PCDH15: variants seen among roughly 807,000 people sequenced by gnomAD.
The protein encoded by PCDH15 is protocadherin related 15.
Under a neutral mutation model 178.5 loss-of-function variants are expected in PCDH15, and 129 were observed. The observed-to-expected ratio is 0.72, with a 90% CI of 0.63 to 0.84. The LOEUF is 0.84. Ranked by LOEUF, PCDH15 falls within the 40% of genes least tolerant of loss-of-function variation. The pLI is 0.00. For missense variants in PCDH15, 2,230 were observed against 2,099.9 expected (o/e 1.06, Z -1.21); for synonymous variants, 800 against 732.0 (o/e 1.09, Z -1.50).
intron 2 of PCDH15, among the ~76,000 whole-genome samples, chr10:55,610,071 C>G (rs1423049368): frequency 6.6e-6 from 1 of 151,950 alleles, no homozygotes; most frequent in African/African-American, 2.4e-5. Context: ...AATTATAAGA[C>G]CAAGCACAAC....
chr10:54,033,313 A>C (rs961953695), intron 18 of PCDH15, among the ~76,000 whole-genome samples: 1 of 151,858 alleles, frequency 6.6e-6, no homozygotes, highest in Non-Finnish European at 1.5e-5. Context: ...AACCCTTATA[A>C]ATTTGTACTT....
intron 2 of PCDH15, among the ~76,000 whole-genome samples, chr10:54,980,280 G>A (rs1839197515): frequency 6.6e-6 from 1 of 152,044 alleles, no homozygotes; most frequent in Admixed American, 6.6e-5. Context: ...CGTGCTCTAA[G>A]TATAACATTT....
At chr10:54,387,539 A>G (rs1950067629) in intron 3 of PCDH15, among the ~76,000 whole-genome samples, 1 of 152,180 alleles carries the variant, frequency 6.6e-6, no homozygotes, top group Non-Finnish European at 1.5e-5. Flanking sequence ...ATTTTTTAAT[A>G]AACATAGATG....
At chr10:54,893,201 C>CA (rs1408987242) in intron 3 of PCDH15, among the ~76,000 whole-genome samples, 1 of 150,980 alleles carries the variant, frequency 6.6e-6, no homozygotes, top group Non-Finnish European at 1.5e-5. Flanking sequence ...TTGAAATACA[C>CA]AAAAAAGGAA....
At chr10:54,107,785 A>G (rs1354632808) in intron 15 of PCDH15, among the ~76,000 whole-genome samples, 2 of 152,098 alleles carry the variant, frequency 1.3e-5, no homozygotes, top group Admixed American at 6.6e-5. Context: ...TCAGAAAGTA[A>G]ACGGTGTCAA....
At chr10:54,468,423 G>T (rs2077674956) in intron 3 of PCDH15, among the ~76,000 whole-genome samples, 1 of 151,588 alleles carries the variant, frequency 6.6e-6, no homozygotes, top group Admixed American at 6.6e-5. Context: ...TGACCCAATG[G>T]TCATTTAGAA....
intron 2 of PCDH15, among the ~76,000 whole-genome samples, chr10:55,368,264 C>G (rs1845415243): frequency 6.6e-6 from 1 of 152,126 alleles, no homozygotes. Flanking sequence ...CACATAACAT[C>G]ATTTTATATT....
chr10:55,385,507 T>C lies in PCDH15; in HGVS notation c.-155-218856A>G, dbSNP rs139970270. Reference sequence around the variant, plus strand: ...CCCAAAATCATTAGAGATAATAATATATTATTTTAAGCCATTAAGTTTTAT... The same window carrying C: ...CCCAAAATCATTAGAGATAATAATACATTATTTTAAGCCATTAAGTTTTAT... On this transcript the variant is annotated intron_variant, in intron 2 of 5. Coordinates refer to the PCDH15 transcript ENST00000613346. Among the ~76,000 whole-genome samples the C allele has an allele frequency of 4.7e-3, 708 of 151,884 alleles. 6 individuals carry two copies. The highest frequency in any genetic ancestry group is 0.016 in the African/African-American group (677 of 41,460).
chr10:54,638,877 T>G (rs531306804), intron 2 of PCDH15, among the ~76,000 whole-genome samples: 233 of 152,094 alleles, frequency 1.5e-3, no homozygotes, highest in African/African-American at 5.5e-3. Context: ...GAAATTATGT[T>G]TTTTTTTGCA....
chr10:54,845,518 A>G (rs959229228), intron 3 of PCDH15, among the ~76,000 whole-genome samples: 1 of 152,108 alleles, frequency 6.6e-6, no homozygotes, highest in African/African-American at 2.4e-5. Flanking sequence ...AATTTACTGA[A>G]GGATGTGGTC....
chr10:55,626,255 T>C (rs1837527422), intron 2 of PCDH15, among the ~76,000 whole-genome samples: 2 of 152,164 alleles, frequency 1.3e-5, no homozygotes, highest in African/African-American at 4.8e-5. Flanking sequence ...TGCAGTTTAA[T>C]GTAAAGGGAT....
chr10:55,391,420 C>T (rs1017040920), intron 2 of PCDH15, among the ~76,000 whole-genome samples: 1 of 151,948 alleles, frequency 6.6e-6, no homozygotes, highest in Non-Finnish European at 1.5e-5. Flanking sequence ...AAATTTTCTC[C>T]ATCTCAGAAA....
Position 53,811,634 on chromosome 10 carries a change from G to A in PCDH15, c.4492-15C>T. The A allele has an allele frequency of 6.6e-7, 1 of 1,517,116 alleles. No homozygotes were observed. Among genetic ancestry groups the A allele is most frequent in the Non-Finnish European group, 8.9e-7 (1 of 1,128,944 alleles). 94.0% of individuals were successfully genotyped at this position (1,517,116 alleles called of 1,614,324 possible). On this transcript the variant is annotated splice_polypyrimidine_tract_variant and intron_variant, in intron 35 of 37. Transcript: ENST00000644397. ...ATGGATAATTCCTATTGTTCAAAAAGAAAAATTGCATTTGAAAACGAATTC... is the reference window on the plus strand; with the variant it reads ...ATGGATAATTCCTATTGTTCAAAAAAAAAAATTGCATTTGAAAACGAATTC...
intron 18 of PCDH15, among the ~76,000 whole-genome samples, chr10:54,055,094 A>G (rs2093856638): frequency 6.6e-6 from 1 of 152,196 alleles, no homozygotes; most frequent in African/African-American, 2.4e-5. Context: ...TAAATTGTAT[A>G]GTTGAAGGAA....
At chr10:54,495,897 A>G (rs2137257918) in intron 3 of PCDH15, among the ~76,000 whole-genome samples, 1 of 152,296 alleles carries the variant, frequency 6.6e-6, no homozygotes, top group East Asian at 1.9e-4. Flanking sequence ...CTCTCTTCTT[A>G]ATAAAAAATC....
Position 55,520,299 on chromosome 10 carries a change from G to GTA in PCDH15, c.-156+107324_-156+107325dup, listed in dbSNP as rs750692237. ...GTGTATATATATATACACGCAATAT[G>GTA]TATATATATATATATACATGCAATG... On this transcript the variant is annotated intron_variant, in intron 2 of 5. Transcript: ENST00000613346. Among the ~76,000 whole-genome samples, 442 of 71,506 alleles carry GTA rather than the reference G, an allele frequency of 6.2e-3. 61 individuals carry two copies. The highest frequency in any genetic ancestry group is 0.025 in the African/African-American group (381 of 14,966). The allele number at this position is 71,506 out of a possible 152,430, so 46.9% of individuals were successfully genotyped here.
At chr10:55,181,763 C>A (rs1182054129) in intron 1 of PCDH15, among the ~76,000 whole-genome samples, 1 of 151,864 alleles carries the variant, frequency 6.6e-6, no homozygotes, top group East Asian at 1.9e-4. Context: ...AACTGATTTT[C>A]TGATTTTTAA....
chr10:55,291,945 G>C (rs935597357), intron 1 of PCDH15, among the ~76,000 whole-genome samples: 3 of 152,084 alleles, frequency 2.0e-5, no homozygotes, highest in Non-Finnish European at 4.4e-5. Context: ...GAACAGTATG[G>C]GAAAGACCTG....
intron 2 of PCDH15, among the ~76,000 whole-genome samples, chr10:54,618,205 C>G (rs929963827): frequency 2.0e-5 from 3 of 152,018 alleles, no homozygotes; most frequent in African/African-American, 7.2e-5. Context: ...ATTTGAGGTT[C>G]AAATGCACCT....
Sources: gnomAD v4.1 joint callset for allele counts (sites outside exome capture counted in the v4.1 genomes callset) on GRCh38, gnomAD v4.1.1 for gene constraint, MANE v1.5 for transcripts, NCBI Gene and HGNC (gene_info 2026-07-23, HGNC 2026-07-21) for gene names.